The following RYR2 variants were observed in gnomAD, a reference collection of about 807,000 sequenced individuals.
The protein encoded by RYR2 is cardiac muscle ryanodine receptor-calcium release channel.
A neutral mutation model predicts 601.1 loss-of-function variants in RYR2; 227 were observed. The ratio of observed to expected loss-of-function variants is 0.38; its 90% CI spans 0.34 to 0.42. RYR2 has a LOEUF of 0.42. Among genes scored for constraint, RYR2 ranks in the 10% least tolerant of loss-of-function variants. The pLI, the probability that RYR2 is intolerant of heterozygous loss-of-function variation, is 1.00. For missense variants in RYR2, 4,646 were observed against 6,156.5 expected, an observed-to-expected ratio of 0.75 and a Z score of 8.21; for synonymous variants, 2,223 against 2,175.1, an observed-to-expected ratio of 1.02 and a Z score of -0.61.
intron 1 of RYR2, among the ~76,000 whole-genome samples, chr1:237,143,840 A>G (rs1473133868): frequency 6.6e-6 from 1 of 152,216 alleles, no homozygotes; most frequent in African/African-American, 2.4e-5. Context: ...CTGTAAAGGT[A>G]GTAGAAAAAG....
At chr1:237,504,073 A>G (rs1266025585) in intron 22 of RYR2, among the ~76,000 whole-genome samples, 1 of 152,254 alleles carries the variant, frequency 6.6e-6, no homozygotes, top group Non-Finnish European at 1.5e-5. Context: ...CGAACAGATT[A>G]CAACCTGAGG....
rs544196633 is a variant in RYR2 at position 237,615,869 on chromosome 1, A to T, written c.5715+1026A>T. ...AGATGAGGGAGAAGACCCCTCAGAGATTTTGACTTTTAAGCTGAGTTCAGA... is the reference window on the plus strand; with the variant it reads ...AGATGAGGGAGAAGACCCCTCAGAGTTTTTGACTTTTAAGCTGAGTTCAGA... On this transcript the variant is annotated intron_variant, in intron 37 of 104. Transcript: ENST00000366574. 3.9e-5 allele frequency among the ~76,000 whole-genome samples: 6 copies of T among 152,346 alleles called. No individual in the cohort carries two copies. The South Asian group carries it at 6.2e-4, about 16-fold the overall frequency.
Position 237,572,364 on chromosome 1 carries a change from G to A in RYR2, c.3598+3045G>A, listed in dbSNP as rs554088528. Among the ~76,000 whole-genome samples the A allele has an allele frequency of 2.1e-4, 32 of 152,202 alleles. 1 individual carries two copies. The South Asian group carries it at 2.5e-3, about 12-fold the overall frequency. ...TGTGTGAGTTCTGTTTGTATGGTACGTGGTTCACATGATACACACAGATTT... is the reference window on the plus strand; with the variant it reads ...TGTGTGAGTTCTGTTTGTATGGTACATGGTTCACATGATACACACAGATTT... On this transcript the variant is annotated intron_variant, in intron 29 of 104. Transcript: ENST00000366574.
At chr1:237,710,982 G>A (rs1466349692) in intron 70 of RYR2, among the ~76,000 whole-genome samples, 3 of 152,146 alleles carry the variant, frequency 2.0e-5, no homozygotes, top group African/African-American at 7.2e-5. Context: ...TGGGAAAATA[G>A]GGGGAGCCCA....
At chr1:237,431,993 A>T (rs1295078466) in intron 12 of RYR2, among the ~76,000 whole-genome samples, 1 of 152,186 alleles carries the variant, frequency 6.6e-6, no homozygotes. Context: ...TGAGTAAGTT[A>T]ACCTCTTTAA....
In RYR2 at chr1:237,833,351, G is replaced by GCCCC. The variant is rs397983403; in HGVS notation, c.*713_*716dup. 326 of 109,126 alleles carry GCCCC rather than the reference G, an allele frequency of 3.0e-3. No individual in the cohort carries two copies. Among genetic ancestry groups the GCCCC allele is most frequent in the East Asian group, 9.3e-3 (30 of 3,228 alleles). 6.8% of individuals were successfully genotyped at this position (109,126 alleles called of 1,614,324 possible). A position where few individuals can be genotyped will look rare whatever the true frequency, so the allele number is the denominator to read the frequency against. On this transcript the variant is annotated 3_prime_UTR_variant, in exon 105 of 105. Transcript: ENST00000366574. Reference sequence around the variant, plus strand: ...TTCTCATTCAGCTAAATTCACATTTGCCCCCCCCCCCCGCCCCCGCCCCCA... The same window carrying GCCCC: ...TTCTCATTCAGCTAAATTCACATTTGCCCCCCCCCCCCCCCCGCCCCCGCCCCCA...
intron 91 of RYR2, among the ~76,000 whole-genome samples, chr1:237,787,759 C>T (rs1344776924): frequency 6.6e-6 from 1 of 151,874 alleles, no homozygotes; most frequent in Non-Finnish European, 1.5e-5. Context: ...TATAAAATGT[C>T]CTCTATATTT....
chr1:237,081,725 C>T (rs548886941), intron 1 of RYR2, among the ~76,000 whole-genome samples: 1 of 152,198 alleles, frequency 6.6e-6, no homozygotes, highest in African/African-American at 2.4e-5. Flanking sequence ...GAACCTCGCC[C>T]TTCCCAGGAG....
chr1:237,517,256 A>T (rs1239599290), intron 24 of RYR2, among the ~76,000 whole-genome samples: 1 of 152,126 alleles, frequency 6.6e-6, no homozygotes, highest in African/African-American at 2.4e-5. Context: ...TCAGGCCTTC[A>T]TTTAAATATC....
chr1:237,147,878 T>C (rs1674193411), intron 1 of RYR2, among the ~76,000 whole-genome samples: 1 of 152,234 alleles, frequency 6.6e-6, no homozygotes, highest in Non-Finnish European at 1.5e-5. Flanking sequence ...CAGTTAGTGA[T>C]GGGATGTTGG....
At chr1:237,490,138 A>G (rs145909610) in intron 17 of RYR2, among the ~76,000 whole-genome samples, 222 of 152,330 alleles carry the variant, frequency 1.5e-3, no homozygotes, top group African/African-American at 5.1e-3. Flanking sequence ...AGGGGTACTC[A>G]TGGACATAAA....
intron 24 of RYR2, among the ~76,000 whole-genome samples, chr1:237,528,741 A>G (rs1169089369): frequency 6.6e-6 from 1 of 152,174 alleles, no homozygotes; most frequent in African/African-American, 2.4e-5. Flanking sequence ...TCAGTACACC[A>G]TGTGACTTTG....
chr1:237,590,667 A>T lies in RYR2; in HGVS notation c.3835A>T (p.Ser1279Cys), dbSNP rs1262438625. Residue 1279 changes from serine (S) to cysteine (C), a missense_variant, in exon 31 of 105, where the codon AGT (serine) becomes TGT (cysteine). This residue lies in a region of RYR2 where 1,807 missense variants were observed against 2,088.1 expected (regional missense o/e 0.87). Transcript: ENST00000366574. Reference sequence around the variant, plus strand: ...GACCAGAATAGACGGCACCATAGACAGTTCCCCATGTTTAAAGGTCACTCA... The same window carrying T: ...GACCAGAATAGACGGCACCATAGACTGTTCCCCATGTTTAAAGGTCACTCA... ...EVTRIDGTID[S>C]SPCLKVTQKS... The T allele has an allele frequency of 1.9e-6, 3 of 1,559,546 alleles. No homozygotes were observed. The highest frequency in any genetic ancestry group is 2.6e-6 in the Non-Finnish European group (3 of 1,152,242).
intron 1 of RYR2, among the ~76,000 whole-genome samples, chr1:237,053,716 G>T (rs1179593062): frequency 1.3e-5 from 2 of 152,182 alleles, no homozygotes; most frequent in Non-Finnish European, 2.9e-5. Context: ...GTCTCTATGG[G>T]TGGGATAGGG....
chr1:237,535,704 C>T (rs1668548851), intron 25 of RYR2, among the ~76,000 whole-genome samples: 1 of 152,160 alleles, frequency 6.6e-6, no homozygotes, highest in South Asian at 2.1e-4. Context: ...AAGGAACATA[C>T]TGGCAAACAA....
At chr1:237,666,480 T>G in intron 56 of RYR2, 32 bp from the exon 57 acceptor site, 1 of 1,584,446 alleles carries the variant, frequency 6.3e-7, no homozygotes, top group African/African-American at 1.3e-5. Flanking sequence ...AGGTTTTTAA[T>G]GAGGCACTGT....
At chr1:237,746,953 A>G (rs1022339470) in intron 80 of RYR2, among the ~76,000 whole-genome samples, 1 of 152,198 alleles carries the variant, frequency 6.6e-6, no homozygotes, top group African/African-American at 2.4e-5. Flanking sequence ...TTGATACTGC[A>G]GTAGAACACA....
At chr1:237,044,003 C>G (rs1660245839) in intron 1 of RYR2, among the ~76,000 whole-genome samples, 1 of 152,164 alleles carries the variant, frequency 6.6e-6, no homozygotes, top group African/African-American at 2.4e-5. Flanking sequence ...GGGTCCACAT[C>G]AGATGACAAC....
intron 58 of RYR2, among the ~76,000 whole-genome samples, chr1:237,670,863 C>A (rs896900805): frequency 6.6e-6 from 1 of 152,110 alleles, no homozygotes; most frequent in Admixed American, 6.5e-5. Flanking sequence ...TGTAGATACT[C>A]AAAAAGTTTC....
Sources: gnomAD v4.1 joint callset for allele counts (sites outside exome capture counted in the v4.1 genomes callset) on GRCh38, gnomAD v4.1.1 for gene constraint, gnomAD v4.1.1 regional missense constraint, MANE v1.5 for transcripts, NCBI Gene and HGNC (gene_info 2026-07-23, HGNC 2026-07-21) for gene names.